Variants in CD36 observed in about 807,000 individuals in gnomAD.
The protein encoded by CD36 is platelet glycoprotein 4.
In CD36, 119 loss-of-function variants were observed where a neutral mutation model predicts 55.2. The ratio of observed to expected loss-of-function variants is 2.15; its 90% CI spans 1.86 to 2.51. The LOEUF (loss-of-function observed/expected upper bound fraction) is 2.51. Ranked by LOEUF, CD36 falls within the 30% of genes most tolerant of loss-of-function variation. The probability of loss-of-function intolerance (pLI) is 0.00; values close to 1 mark genes in which losing one functional copy is unlikely to be tolerated. For synonymous variants in CD36, 186 were observed against 193.6 expected (o/e 0.96, Z 0.33); for missense variants, 819 against 555.5 (o/e 1.47, Z -4.77).
intron 4 of CD36, among the ~76,000 whole-genome samples, chr7:80,657,026 G>A (rs548019669): frequency 1.3e-5 from 2 of 152,016 alleles, no homozygotes; most frequent in African/African-American, 4.8e-5. Flanking sequence ...TGTTATTGTG[G>A]CATATATTCT....
At chr7:80,604,390 TA>T (rs1792425850) in intron 1 of CD36, among the ~76,000 whole-genome samples, 4 of 109,638 alleles carry the variant, frequency 3.6e-5, no homozygotes, top group African/African-American at 3.2e-5. Flanking sequence ...TTTTTTTTTT[TA>T]GCAAAGTATG....
At chr7:80,662,673 C>T in intron 5 of CD36, 1 of 365,368 alleles carries the variant, frequency 2.7e-6, no homozygotes, top group South Asian at 2.3e-5. Context: ...TTTGCTGCAC[C>T]TATCAAACCA....
chr7:80,669,609 T>C (rs1353456059), intron 8 of CD36, among the ~76,000 whole-genome samples: 1 of 151,832 alleles, frequency 6.6e-6, no homozygotes, highest in Non-Finnish European at 1.5e-5. Flanking sequence ...TGCCTCAGGA[T>C]AGCTGCCTCC....
At chr7:80,661,285 T>A in intron 5 of CD36, 75 bp downstream of exon 5, 1 of 1,378,450 alleles carries the variant, frequency 7.3e-7, no homozygotes. Context: ...TCATTAGAAT[T>A]ATTAGGTTTT....
intron 1 of CD36, among the ~76,000 whole-genome samples, chr7:80,639,184 CTA>C (rs201636207): frequency 2.4e-4 from 36 of 152,010 alleles, no homozygotes; most frequent in East Asian, 1.5e-3. Context: ...CAATTATTAA[CTA>C]TTACTTTACA....
intron 3 of CD36, among the ~76,000 whole-genome samples, chr7:80,653,472 C>T (rs1795782461): frequency 1.3e-5 from 2 of 152,158 alleles, no homozygotes; most frequent in Non-Finnish European, 2.9e-5. Flanking sequence ...GTTTCAAGGT[C>T]AGTGCTTTCA....
intron 1 of CD36, among the ~76,000 whole-genome samples, chr7:80,616,351 A>G (rs1793151954): frequency 6.6e-6 from 1 of 151,748 alleles, no homozygotes; most frequent in East Asian, 2.0e-4. Context: ...TTTCTACTGA[A>G]TGTATATTGC....
At chr7:80,613,826 C>T (rs1206402604) in intron 1 of CD36, among the ~76,000 whole-genome samples, 1 of 151,998 alleles carries the variant, frequency 6.6e-6, no homozygotes, top group African/African-American at 2.4e-5. Context: ...TAAATATTAT[C>T]AATAAATATA....
chr7:80,653,415 A>G (rs1795778664), intron 3 of CD36, among the ~76,000 whole-genome samples: 1 of 152,178 alleles, frequency 6.6e-6, no homozygotes, highest in Non-Finnish European at 1.5e-5. Flanking sequence ...ATAGGATATT[A>G]AGGTCCCAAC....
At chr7:80,607,368 G>A (rs1017720738) in intron 1 of CD36, among the ~76,000 whole-genome samples, 4 of 152,154 alleles carry the variant, frequency 2.6e-5, no homozygotes, top group Admixed American at 6.5e-5. Context: ...AGGGCTGGAC[G>A]TCTACTTTCA....
rs1484769993 is a variant in CD36, at chr7:80,657,323, G to A, written c.281+623G>A. 5.3e-5 allele frequency among the ~76,000 whole-genome samples: 8 copies of A among 152,026 alleles called. No individual in the cohort carries two copies. In the East Asian group the frequency reaches 5.8e-4, roughly 11 times the overall value. ...TGCTAAATTCATTTTTCCTAACTGC[G>A]GTACCTACTCAAGATTTATATTCAA... is the stretch of plus-strand genomic sequence containing the variant. On this transcript the variant is annotated intron_variant, in intron 4 of 14. Coordinates refer to ENST00000447544, the MANE Select transcript of CD36 (RefSeq NM_001001548.3).
At chr7:80,603,213 G>A (rs971327803) in intron 1 of CD36, among the ~76,000 whole-genome samples, 8 of 152,138 alleles carry the variant, frequency 5.3e-5, no homozygotes, top group Non-Finnish European at 7.4e-5. Flanking sequence ...TGCATATTTC[G>A]AGACACAATT....
chr7:80,634,204 A>G (rs1794251456), upstream of CD36, among the ~76,000 whole-genome samples: 1 of 152,072 alleles, frequency 6.6e-6, no homozygotes, highest in South Asian at 2.1e-4. Flanking sequence ...GCAAGGTAAT[A>G]CATGTGAAAT....
At chr7:80,654,782 T>C (rs1204922210) in intron 3 of CD36, among the ~76,000 whole-genome samples, 1 of 151,850 alleles carries the variant, frequency 6.6e-6, no homozygotes, top group African/African-American at 2.4e-5. Context: ...AGTTCTTCTC[T>C]AAGGAATTCG....
At chr7:80,635,947 G>T (rs12533372), upstream of CD36, among the ~76,000 whole-genome samples, 11 of 152,068 alleles carry the variant, frequency 7.2e-5, no homozygotes, top group Middle Eastern at 0.017. Context: ...GTACTATAGG[G>T]GTTCAGTGGT....
In CD36 at chr7:80,645,423, G is replaced by A. The variant is rs546418842; in HGVS notation, c.-183-665G>A. Among the ~76,000 whole-genome samples the A allele has an allele frequency of 2.0e-5, 3 of 151,674 alleles. No homozygotes were observed. In the East Asian group the frequency reaches 6.0e-4, roughly 31 times the overall value. Reference sequence around the variant, plus strand: ...CTGAGGTGGGTGGATCACGAGGTCAGGAGTTCGAGACCAGCCTGACCAACA... The same window carrying A: ...CTGAGGTGGGTGGATCACGAGGTCAAGAGTTCGAGACCAGCCTGACCAACA... On this transcript the variant is annotated intron_variant, in intron 1 of 14. Coordinates refer to ENST00000447544, the MANE Select transcript of CD36 (RefSeq NM_001001548.3).
At chr7:80,626,555 C>A (rs1206843212) in intron 1 of CD36, among the ~76,000 whole-genome samples, 1 of 151,970 alleles carries the variant, frequency 6.6e-6, no homozygotes, top group African/African-American at 2.4e-5. Context: ...TTTAATACTT[C>A]TATCCAATTA....
chr7:80,671,838 TTAGTTTTGTGGAAA>T, intron 10 of CD36, 70 bp from the exon 11 acceptor site: 1 of 1,240,174 alleles, frequency 8.1e-7, no homozygotes, highest in Non-Finnish European at 1.2e-6. Flanking sequence ...GCAAGAAGCT[TTAGTTTTGTGGAAA>T]TATTTTTTGA....
At position 80,656,441 on chromosome 7, in the gene CD36, G is replaced by T. The variant is rs549836910; in HGVS notation, c.121-99G>T. The T allele has an allele frequency of 3.5e-5, 36 of 1,030,124 alleles. No homozygotes were observed. In the African/African-American group the frequency reaches 5.7e-4, roughly 16 times the overall value. The allele number at this position is 1,030,124 out of a possible 1,614,324, so 63.8% of individuals were successfully genotyped here. ...TCTCATGAATGAGGTACTTGGGCTT[G>T]GTCCTTTTATTCTGGCTGACTCAAG... On this transcript the variant is annotated intron_variant, in intron 3 of 14. Coordinates refer to ENST00000447544, the MANE Select transcript of CD36 (RefSeq NM_001001548.3).
Sources: allele counts gnomAD v4.1 joint callset (sites outside exome capture counted in the v4.1 genomes callset), GRCh38; gene constraint gnomAD v4.1.1; transcripts MANE v1.5; gene names NCBI Gene and HGNC (gene_info 2026-07-23, HGNC 2026-07-21).